POLE: variants seen among roughly 807,000 people sequenced by gnomAD.
POLE encodes the protein DNA polymerase epsilon, catalytic subunit.
A neutral mutation model predicts 279.2 loss-of-function variants in POLE; 188 were observed. The observed-to-expected ratio is 0.67, with a 90% CI of 0.60 to 0.76. POLE has a LOEUF of 0.76. Ranked by LOEUF, POLE falls within the 30% of genes least tolerant of loss-of-function variation. The pLI, the probability that POLE is intolerant of heterozygous loss-of-function variation, is 0.00. For missense variants in POLE, 2,703 were observed against 3,016.7 expected, an observed-to-expected ratio of 0.90 and a Z score of 2.44; for synonymous variants, 1,214 against 1,172.5, an observed-to-expected ratio of 1.04 and a Z score of -0.72.
At chr12:132,680,731 A>G (rs2043149173) in intron 2 of POLE, 44 bp from the exon 3 acceptor site, 2 of 1,453,044 alleles carry the variant, frequency 1.4e-6, no homozygotes, top group Non-Finnish European at 1.9e-6. Context: ...CATCCTCTAC[A>G]CAGTTAGAGA....
intron 23 of POLE, among the ~76,000 whole-genome samples, chr12:132,663,289 C>T (rs1486727532): frequency 1.3e-5 from 2 of 152,206 alleles, no homozygotes; most frequent in Non-Finnish European, 2.9e-5. Context: ...ACAGTAAGGC[C>T]TGCAGAAGCC....
intron 39 of POLE, chr12:132,641,433 A>G (rs1404676113): frequency 3.4e-6 from 2 of 589,002 alleles, no homozygotes; most frequent in Non-Finnish European, 6.1e-6. Flanking sequence ...GGGAGGTCAG[A>G]GGCAGCACAC....
intron 47 of POLE, chr12:132,625,438 A>G (rs1344872249): frequency 2.6e-6 from 2 of 776,330 alleles, no homozygotes; most frequent in Admixed American, 1.7e-5. Context: ...AAGCACCCAC[A>G]AGGCCAGCTC....
In POLE at chr12:132,643,136, C is replaced by T. The variant is rs2042192191; in HGVS notation, c.4551+88G>A. On this transcript the variant is annotated intron_variant, in intron 35 of 48. Transcript: ENST00000320574. ...TGGGCAAAGGCCCTTGAGGACAAGA[C>T]CTGGAGGGCCTGGGCACCCTGGGAG... The T allele has an allele frequency of 2.7e-6, 4 of 1,494,100 alleles. No individual in the cohort carries two copies. The South Asian group carries it at 4.7e-5, about 18-fold the overall frequency. 92.6% of individuals were successfully genotyped at this position (1,494,100 alleles called of 1,614,324 possible).
rs751326135 is a variant in POLE at position 132,667,577 on chromosome 12, G to T, written c.2245C>A (p.Arg749=). The T allele has an allele frequency of 1.2e-5, 20 of 1,613,850 alleles. No homozygotes were observed. Among genetic ancestry groups the T allele is most frequent in the Non-Finnish European group, 1.7e-5 (20 of 1,179,888 alleles). Residue 749 remains arginine (R), a synonymous_variant, in exon 20 of 49, where the codon CGG becomes AGG. Transcript: ENST00000320574. The part of the protein sequence containing the change: ...VEERLTTICQ[R]ENSFYVDTVR... The stretch of plus-strand genomic sequence containing the variant: ...GTGTCCACGTAGAAGGAGTTTTCCC[G>T]CTGGCAGATGGTGGTGAGACGCTCT...
intron 16 of POLE, among the ~76,000 whole-genome samples, chr12:132,671,631 T>C (rs2042930229): frequency 7.0e-6 from 1 of 143,508 alleles, no homozygotes; most frequent in South Asian, 2.1e-4. Flanking sequence ...CTCATGCCAT[T>C]GCACTCCAGC....
At chr12:132,632,823 CCT>C in intron 43 of POLE, 28 bp from the exon 44 acceptor site, 2 of 1,570,756 alleles carry the variant, frequency 1.3e-6, no homozygotes, top group Non-Finnish European at 1.7e-6. Flanking sequence ...CACCACAGGC[CCT>C]GAGTCGGGCT....
intron 45 of POLE, among the ~76,000 whole-genome samples, chr12:132,630,026 T>C (rs1054601558): frequency 2.0e-5 from 3 of 152,186 alleles, no homozygotes; most frequent in African/African-American, 7.2e-5. Context: ...GATGGCAGAA[T>C]GGCCCGTGAG....
At position 132,687,318 on chromosome 12, in the gene POLE, A is replaced by T; in HGVS notation, c.-3T>A. ...CGCCCGCCGCTCCTCAGAGACATGG[A>T]GCCGTTGGCTACCACCTCTGCTTCA... On this transcript the variant is annotated 5_prime_UTR_variant, in exon 1 of 49. Transcript: ENST00000320574. The T allele has an allele frequency of 6.7e-7, 1 of 1,499,444 alleles. No individual in the cohort carries two copies. 92.9% of individuals were successfully genotyped at this position (1,499,444 alleles called of 1,614,324 possible). A position where few individuals can be genotyped will look rare whatever the true frequency, so the allele number is the denominator to read the frequency against.
chr12:132,660,765 T>C (rs2042659827), intron 25 of POLE: 3 of 410,320 alleles, frequency 7.3e-6, no homozygotes, highest in South Asian at 1.6e-4. Context: ...AGAAAAACGT[T>C]TCCCTCAGAG....
In POLE at chr12:132,664,871, C is replaced by T. The variant is rs2042756080; in HGVS notation, c.2469-409G>A. Among the ~76,000 whole-genome samples the T allele has an allele frequency of 1.3e-5, 2 of 152,138 alleles. No individual in the cohort carries two copies. Among genetic ancestry groups the T allele is most frequent in the South Asian group, 4.1e-4 (2 of 4,824 alleles). ...CCCTCCTCCAGCCTGGGTCCCAGCCCTGCTGTCAGCTGTCCCACCCTCCCC... is the reference window on the plus strand; with the variant it reads ...CCCTCCTCCAGCCTGGGTCCCAGCCTTGCTGTCAGCTGTCCCACCCTCCCC... On this transcript the variant is annotated intron_variant, in intron 21 of 48. Transcript: ENST00000320574. This position sits in a 1 kb window ranked among gnomAD's most constrained non-coding sequence, Gnocchi z 5.3.
intron 25 of POLE, chr12:132,660,131 G>C (rs1271174192): frequency 6.4e-6 from 1 of 156,054 alleles, no homozygotes; most frequent in Non-Finnish European, 1.4e-5. Flanking sequence ...GGCAGGAAGA[G>C]CCAGAAGAGA....
rs1555230398 is a variant in POLE, at chr12:132,681,162, T to C, written c.180A>G (p.Thr60=). The change falls in exon 2 of 49, where the codon ACA becomes ACG. Residue 60 remains threonine (T), a synonymous_variant. Transcript: ENST00000320574. ...CAGGATGCATGTTAATGAGCCAGCC[T>C]GTCTTCTCACCAGGCTCCTTCAGCC... ...FERLKEPGEK[T]GWLINMHPTE... The C allele has an allele frequency of 1.2e-6, 2 of 1,614,128 alleles. No individual in the cohort carries two copies. Among genetic ancestry groups the C allele is most frequent in the Non-Finnish European group, 1.7e-6 (2 of 1,180,022 alleles).
At position 132,667,604 on chromosome 12, in the gene POLE, C is replaced by A. The variant is rs1331682009; in HGVS notation, c.2218G>T (p.Glu740Ter). 8 of 1,614,210 alleles carry A rather than the reference C, an allele frequency of 5.0e-6. No homozygotes were observed. Among genetic ancestry groups the A allele is most frequent in the Non-Finnish European group, 6.8e-6 (8 of 1,180,018 alleles). The change falls in exon 20 of 49, where the codon GAA becomes TAA. Residue 740 changes from glutamate (E) to a stop codon, truncating the protein, a stop_gained. Transcript: ENST00000320574. LOFTEE classifies it high-confidence loss of function. ...TGGCAGATGGTGGTGAGACGCTCTTCCACCTTGGTGATGTGGATCTTCTTG... is the reference window on the plus strand; with the variant it reads ...TGGCAGATGGTGGTGAGACGCTCTTACACCTTGGTGATGTGGATCTTCTTG... Reference protein sequence around the residue: ...AYKKIHITKVEERLTTICQRE... With the variant: ...AYKKIHITKV
At chr12:132,636,441 GAAAAAAAA>G (rs60289510) in intron 41 of POLE, among the ~76,000 whole-genome samples, 3 of 44,446 alleles carry the variant, frequency 6.7e-5, no homozygotes, top group African/African-American at 1.0e-4. Context: ...TCCATTTAAG[GAAAAAAAA>G]AAAAAAAAAA....
intron 42 of POLE, among the ~76,000 whole-genome samples, chr12:132,635,388 T>A (rs933422976): frequency 5.3e-5 from 8 of 152,208 alleles, no homozygotes; most frequent in Non-Finnish European, 1.2e-4. Context: ...CGGCTTTACC[T>A]GCCTGTGCCC....
Position 132,642,905 on chromosome 12 carries a change from G to A in POLE, c.4643C>T (p.Pro1548Leu), listed in dbSNP as rs779475320. Residue 1548 changes from proline to leucine, a missense_variant, in exon 36 of 49, where the codon CCC (proline) becomes CTC (leucine). By Grantham distance (98) the Pro-to-Leu change is moderately conservative. Transcript: ENST00000320574. ...LEKVGPELLPPPKHTFEVRAE... is the reference protein window; with the variant it reads ...LEKVGPELLPLPKHTFEVRAE... ...CCGAACTTCGAAGGTGTGTTTGGGG[G>A]GTGGCAGGAGCTCAGGGCCCACCTT... 5 of 1,613,684 alleles carry A rather than the reference G, an allele frequency of 3.1e-6. No individual in the cohort carries two copies. The highest frequency in any genetic ancestry group is 1.3e-5 in the African/African-American group (1 of 75,042).
chr12:132,676,262 G>A (rs913279286), intron 9 of POLE, 58 bp from the exon 10 acceptor site: 21 of 1,141,024 alleles, frequency 1.8e-5, no homozygotes, highest in South Asian at 8.7e-5. Context: ...AAGAAATGGC[G>A]TTCCCACCCT....
At position 132,687,327 on chromosome 12, in the gene POLE, C is replaced by A. The variant is rs1307336959; in HGVS notation, c.-12G>T. ...CTCCTCAGAGACATGGAGCCGTTGG[C>A]TACCACCTCTGCTTCAGGGGAGAAA... On this transcript the variant is annotated 5_prime_UTR_variant, in exon 1 of 49. Transcript: ENST00000320574. 7 of 1,497,202 alleles carry A rather than the reference C, an allele frequency of 4.7e-6. No individual in the cohort carries two copies. The highest frequency in any genetic ancestry group is 6.2e-6 in the Non-Finnish European group (7 of 1,122,284). The allele number at this position is 1,497,202 out of a possible 1,614,324, so 92.7% of individuals were successfully genotyped here. A position where few individuals can be genotyped will look rare whatever the true frequency, so the allele number is the denominator to read the frequency against.
Sources: allele counts gnomAD v4.1 joint callset (sites outside exome capture counted in the v4.1 genomes callset), GRCh38; gene constraint gnomAD v4.1.1; non-coding constraint Gnocchi (gnomAD v3.1); transcripts MANE v1.5; gene names NCBI Gene and HGNC (gene_info 2026-07-23, HGNC 2026-07-21).